CNTNAP2: variants seen among roughly 807,000 people sequenced by gnomAD.
CNTNAP2 encodes contactin associated protein 2.
In CNTNAP2, 98 loss-of-function variants were observed where a neutral mutation model predicts 155.2. The observed-to-expected ratio is 0.63, with a 90% confidence interval of 0.54 to 0.75. The LOEUF is 0.75. Ranked by LOEUF, CNTNAP2 falls within the 30% of genes least tolerant of loss-of-function variation. The pLI, the probability that CNTNAP2 is intolerant of heterozygous loss-of-function variation, is 0.00. For synonymous variants in CNTNAP2, 651 were observed against 631.2 expected, an observed-to-expected ratio of 1.03 and a Z score of -0.47; for missense variants, 1,727 against 1,688.1, an observed-to-expected ratio of 1.02 and a Z score of -0.40.
At position 147,561,215 on chromosome 7, in the gene CNTNAP2, C is replaced by T. The variant is rs193300711; in HGVS notation, c.1778-923C>T. 1.3e-4 allele frequency among the ~76,000 whole-genome samples: 20 copies of T among 152,192 alleles called. No homozygotes were observed. In the East Asian group the frequency reaches 3.3e-3, roughly 25 times the overall value. Reference sequence around the variant, plus strand: ...TATTTTATAGTTTAACACACAACAACCCCTAAGGAGTGTAATTCAAGTGCA... The same window carrying T: ...TATTTTATAGTTTAACACACAACAATCCCTAAGGAGTGTAATTCAAGTGCA... On this transcript the variant is annotated intron_variant, in intron 11 of 23. Coordinates refer to ENST00000361727, the MANE Select transcript of CNTNAP2 (RefSeq NM_014141.6).
chr7:146,352,897 G>A (rs1412739709), intron 1 of CNTNAP2, among the ~76,000 whole-genome samples: 1 of 150,598 alleles, frequency 6.6e-6, no homozygotes, highest in African/African-American at 2.5e-5. Context: ...TAGGACTACA[G>A]GCACCCGCCA....
At chr7:148,237,714 A>G (rs1305485214) in intron 20 of CNTNAP2, among the ~76,000 whole-genome samples, 1 of 152,230 alleles carries the variant, frequency 6.6e-6, no homozygotes, top group African/African-American at 2.4e-5. Context: ...GGTGTCAAAA[A>G]TTGTTGGAAG....
intron 21 of CNTNAP2, among the ~76,000 whole-genome samples, chr7:148,325,419 G>A (rs1163763921): frequency 1.3e-5 from 2 of 152,210 alleles, no homozygotes; most frequent in East Asian, 1.9e-4. Context: ...ACTTAAGAAC[G>A]TGAGTCACAA....
At chr7:146,368,564 A>C (rs1018761494) in intron 1 of CNTNAP2, among the ~76,000 whole-genome samples, 3 of 152,118 alleles carry the variant, frequency 2.0e-5, no homozygotes, top group Admixed American at 2.0e-4. Context: ...CTTGTTACTC[A>C]GAGTTGCTGT....
intron 1 of CNTNAP2, among the ~76,000 whole-genome samples, chr7:146,579,439 G>T (rs1232867097): frequency 6.6e-6 from 1 of 152,104 alleles, no homozygotes; most frequent in Non-Finnish European, 1.5e-5. Flanking sequence ...ATAATAGGAA[G>T]TGCCTCAGAC....
chr7:146,840,164 G>A (rs570201833), intron 3 of CNTNAP2, among the ~76,000 whole-genome samples: 7 of 152,166 alleles, frequency 4.6e-5, no homozygotes, highest in African/African-American at 1.2e-4. Context: ...AGGCAAACCC[G>A]GATCAATAAG....
chr7:147,658,562 G>T (rs947523249), intron 13 of CNTNAP2, among the ~76,000 whole-genome samples: 1 of 152,168 alleles, frequency 6.6e-6, no homozygotes, highest in Non-Finnish European at 1.5e-5. Flanking sequence ...TTGCTGAAAG[G>T]ACTGGACACT....
At chr7:148,234,847 T>C (rs1796019349) in intron 20 of CNTNAP2, among the ~76,000 whole-genome samples, 1 of 152,206 alleles carries the variant, frequency 6.6e-6, no homozygotes, top group Admixed American at 6.5e-5. Context: ...AGTTAGACAA[T>C]AGAGAGTTCA....
chr7:146,144,581 T>C (rs1359433576), intron 1 of CNTNAP2, among the ~76,000 whole-genome samples: 1 of 152,246 alleles, frequency 6.6e-6, no homozygotes, highest in Non-Finnish European at 1.5e-5. Flanking sequence ...AAACTCTAGC[T>C]TACTTTGCTA....
chr7:147,005,066 G>A (rs948856048), intron 3 of CNTNAP2, among the ~76,000 whole-genome samples: 10 of 152,000 alleles, frequency 6.6e-5, no homozygotes, highest in African/African-American at 2.4e-4. Context: ...TCTCTCCGGA[G>A]GCAGGATCAA....
chr7:146,446,554 T>G (rs1304426767), intron 1 of CNTNAP2, among the ~76,000 whole-genome samples: 1 of 152,096 alleles, frequency 6.6e-6, no homozygotes, highest in East Asian at 1.9e-4. Flanking sequence ...CAGTGGTCAC[T>G]GAGCTAAGAA....
chr7:146,605,404 A>G (rs1170717300), intron 1 of CNTNAP2, among the ~76,000 whole-genome samples: 1 of 151,328 alleles, frequency 6.6e-6, no homozygotes, highest in African/African-American at 2.4e-5. Flanking sequence ...CTGGAAGCCA[A>G]ATTCTTAGCC....
intron 1 of CNTNAP2, among the ~76,000 whole-genome samples, chr7:146,245,330 G>A (rs1176756003): frequency 6.6e-6 from 1 of 152,128 alleles, no homozygotes; most frequent in Non-Finnish European, 1.5e-5. Flanking sequence ...TACAGCTGAA[G>A]GAGCCAGGGA....
intron 9 of CNTNAP2, among the ~76,000 whole-genome samples, chr7:147,338,737 A>G (rs1043477271): frequency 6.6e-6 from 1 of 152,154 alleles, no homozygotes; most frequent in Non-Finnish European, 1.5e-5. Context: ...AAAAAACTCC[A>G]TAAAATTTTA....
chr7:147,064,377 T>C (rs1799740378), intron 4 of CNTNAP2, among the ~76,000 whole-genome samples: 1 of 152,212 alleles, frequency 6.6e-6, no homozygotes, highest in Non-Finnish European at 1.5e-5. Context: ...GTTAAGTGCA[T>C]ATCCTACCAT....
At chr7:146,694,161 G>A (rs1167359967) in intron 1 of CNTNAP2, among the ~76,000 whole-genome samples, 1 of 152,124 alleles carries the variant, frequency 6.6e-6, no homozygotes, top group Non-Finnish European at 1.5e-5. Flanking sequence ...GAGAAGCAAG[G>A]AATATAATTA....
At chr7:146,278,623 A>G (rs1800201503) in intron 1 of CNTNAP2, among the ~76,000 whole-genome samples, 1 of 152,224 alleles carries the variant, frequency 6.6e-6, no homozygotes, top group South Asian at 2.1e-4. Flanking sequence ...AACTAAAAGC[A>G]CAGCTTCACT....
chr7:148,410,325 T>G (rs1049091661), intron 23 of CNTNAP2, among the ~76,000 whole-genome samples: 4 of 152,082 alleles, frequency 2.6e-5, no homozygotes. Context: ...ATCCCAGCAC[T>G]TCGGGAGGCC....
intron 13 of CNTNAP2, among the ~76,000 whole-genome samples, chr7:147,807,793 G>T (rs142988751): frequency 6.6e-6 from 1 of 152,130 alleles, no homozygotes; most frequent in Non-Finnish European, 1.5e-5. Flanking sequence ...GCCCTAGTTG[G>T]TGATGTGAGC....
Sources: gnomAD v4.1 joint callset for allele counts (sites outside exome capture counted in the v4.1 genomes callset) on GRCh38, gnomAD v4.1.1 for gene constraint, MANE v1.5 for transcripts, NCBI Gene and HGNC (gene_info 2026-07-23, HGNC 2026-07-21) for gene names.